ACSM1: variants seen among roughly 807,000 people sequenced by gnomAD.
The protein encoded by ACSM1 is acyl-CoA synthetase medium chain family member 1.
A neutral mutation model predicts 75.8 loss-of-function variants in ACSM1; 79 were observed. The ratio of observed to expected loss-of-function variants is 1.04; its 90% CI spans 0.87 to 1.26. The LOEUF (loss-of-function observed/expected upper bound fraction) is 1.26. ACSM1 is among the 50% of genes most tolerant of loss of function. ACSM1 has a pLI of 0.00. For synonymous variants in ACSM1, 279 were observed against 265.8 expected (o/e 1.05, Z -0.48); for missense variants, 676 against 720.1 (o/e 0.94, Z 0.70).
intron 4 of ACSM1, chr16:20,681,524 C>T (rs972787054): frequency 6.6e-6 from 1 of 152,152 alleles, no homozygotes; most frequent in Non-Finnish European, 1.5e-5. Flanking sequence ...CCTCATCCTC[C>T]CTTACCTTTT....
At chr16:20,655,992 T>A (rs2152246560) in intron 7 of ACSM1, among the ~76,000 whole-genome samples, 1 of 152,296 alleles carries the variant, frequency 6.6e-6, no homozygotes, top group East Asian at 1.9e-4. Flanking sequence ...GTTTTTAAAT[T>A]TTTAATTGTT....
At chr16:20,642,574 C>A (rs2152221089) in intron 7 of ACSM1, among the ~76,000 whole-genome samples, 1 of 152,248 alleles carries the variant, frequency 6.6e-6, no homozygotes, top group East Asian at 1.9e-4. Context: ...CTAATTGGAC[C>A]ACATTTCCTT....
intron 10 of ACSM1, among the ~76,000 whole-genome samples, chr16:20,635,594 TTCTTTCTTTCTTTCTTTC>T (rs1450312149): frequency 1.5e-4 from 4 of 26,020 alleles, no homozygotes; most frequent in African/African-American, 9.0e-4. Flanking sequence ...CTTTCTTTCT[TTCTTTCTTTCTTTCTTTC>T]TTTCTTTCTT....
intron 11 of ACSM1, 107 bp from the exon 12 acceptor site, chr16:20,625,629 A>C: frequency 1.9e-5 from 19 of 1,002,054 alleles, no homozygotes; most frequent in Non-Finnish European, 2.7e-5. Context: ...GGTGGAGGTC[A>C]TAGGAAGCCA....
Position 20,623,326 on chromosome 16 carries a change from A to G in ACSM1, c.*160T>C. The G allele has an allele frequency of 1.6e-6, 1 of 632,376 alleles. No homozygotes were observed. Among genetic ancestry groups the G allele is most frequent in the Non-Finnish European group, 2.8e-6 (1 of 362,982 alleles). The allele number at this position is 632,376 out of a possible 1,614,324, so 39.2% of individuals were successfully genotyped here. On this transcript the variant is annotated 3_prime_UTR_variant, in exon 14 of 14. Coordinates refer to ENST00000520010, the MANE Select transcript of ACSM1 (RefSeq NM_001318890.3). ...GGACTTGGAGGAAGCAGAGCAACTG[A>G]ATTTAATTTAAAAGAAGGAAAACAT...
intron 9 of ACSM1, 189 bp downstream of exon 9, chr16:20,637,182 A>T: frequency 1.3e-6 from 1 of 766,800 alleles, no homozygotes; most frequent in East Asian, 2.4e-5. Flanking sequence ...TGCCAGGGTC[A>T]GCGGTGTTCA....
intron 2 of ACSM1, among the ~76,000 whole-genome samples, chr16:20,685,815 G>GAC (rs2079538338): frequency 1.3e-5 from 1 of 78,984 alleles, no homozygotes; most frequent in Non-Finnish European, 2.7e-5. Context: ...GTGAGACTCC[G>GAC]TCTCAAAAAA....
chr16:20,658,412 A>G (rs1312312670), intron 7 of ACSM1, among the ~76,000 whole-genome samples: 3 of 151,312 alleles, frequency 2.0e-5, no homozygotes, highest in Non-Finnish European at 4.4e-5. Context: ...TCTTCTCTTG[A>G]GAAGTGTCTG....
At chr16:20,681,478 C>A (rs1168478199) in intron 4 of ACSM1, 2 of 152,122 alleles carry the variant, frequency 1.3e-5, no homozygotes. Flanking sequence ...GATTCAAAAC[C>A]CTCACTGGTG....
chr16:20,639,346 G>C (rs1423866976), intron 8 of ACSM1, among the ~76,000 whole-genome samples: 1 of 152,182 alleles, frequency 6.6e-6, no homozygotes, highest in Admixed American at 6.5e-5. Context: ...CACCCTGCTA[G>C]TATCCCACAG....
intron 6 of ACSM1, among the ~76,000 whole-genome samples, chr16:20,666,380 T>C (rs2019567406): frequency 6.6e-6 from 1 of 152,042 alleles, no homozygotes; most frequent in Non-Finnish European, 1.5e-5. Context: ...GATTTACAAC[T>C]ACCACTAAAA....
At chr16:20,626,142 G>A (rs1199715359) in intron 11 of ACSM1, among the ~76,000 whole-genome samples, 1 of 151,988 alleles carries the variant, frequency 6.6e-6, no homozygotes, top group Non-Finnish European at 1.5e-5. Context: ...TTTTAGCACT[G>A]TGGGAGGCTG....
At chr16:20,632,378 GA>G (rs1163660878) in intron 10 of ACSM1, among the ~76,000 whole-genome samples, 1 of 152,098 alleles carries the variant, frequency 6.6e-6, no homozygotes, top group African/African-American at 2.4e-5. Flanking sequence ...TTACAGAAAT[GA>G]AAAGAATTAT....
intron 2 of ACSM1, among the ~76,000 whole-genome samples, chr16:20,685,651 C>A (rs1345158127): frequency 1.2e-4 from 18 of 151,772 alleles, no homozygotes; most frequent in Non-Finnish European, 1.5e-5. Flanking sequence ...GAAACCCTGT[C>A]TCTACTAAAA....
intron 12 of ACSM1, 129 bp downstream of exon 12, chr16:20,625,294 A>C: frequency 5.8e-5 from 48 of 833,896 alleles, no homozygotes; most frequent in Non-Finnish European, 8.1e-5. Context: ...CCCTGGTGCC[A>C]TACCGTGTAA....
rs2016867047 is a variant in ACSM1, at chr16:20,625,486, C to T, written c.1464G>A (p.Leu488=). The change falls in exon 12 of 14, where the codon TTG becomes TTA. Residue 488 remains leucine (L), a synonymous_variant. Transcript: ENST00000520010. The part of the protein sequence containing the change: ...RIGPAEVESA[L]VEHPAVAESA... ...ACTCCGCCACCGCTGGGTGCTCCAC[C>T]AAAGCGCTTTCAACCTCTGCAGGCC... The T allele has an allele frequency of 3.1e-6, 5 of 1,614,046 alleles. No individual in the cohort carries two copies. In the South Asian group the frequency reaches 4.4e-5, roughly 14 times the overall value.
At chr16:20,638,295 G>C (rs1056042587) in intron 8 of ACSM1, among the ~76,000 whole-genome samples, 1 of 152,148 alleles carries the variant, frequency 6.6e-6, no homozygotes, top group African/African-American at 2.4e-5. Context: ...CACACACCAC[G>C]TGTTCAATGA....
At chr16:20,635,263 T>TA (rs1182226324) in intron 10 of ACSM1, among the ~76,000 whole-genome samples, 1 of 152,080 alleles carries the variant, frequency 6.6e-6, no homozygotes, top group Non-Finnish European at 1.5e-5. Flanking sequence ...GGCATGGTGG[T>TA]ACCTGCCCGT....
chr16:20,665,310 A>G (rs1308625000), intron 6 of ACSM1, among the ~76,000 whole-genome samples: 1 of 152,142 alleles, frequency 6.6e-6, no homozygotes, highest in Non-Finnish European at 1.5e-5. Context: ...AATGACATAG[A>G]TGACACTATA....
Sources: gnomAD v4.1 joint callset for allele counts (sites outside exome capture counted in the v4.1 genomes callset) on GRCh38, gnomAD v4.1.1 for gene constraint, MANE v1.5 for transcripts, NCBI Gene and HGNC (gene_info 2026-07-23, HGNC 2026-07-21) for gene names.